The following PUDP variants were observed in gnomAD, a reference collection of about 807,000 sequenced individuals.
The protein encoded by PUDP is pseudouridine 5'-phosphatase, also known as pseudouridine-5'-phosphatase.
In PUDP, 8 loss-of-function variants were observed where a neutral mutation model predicts 9.4. The ratio of observed to expected loss-of-function variants is 0.85; its 90% CI spans 0.50 to 1.53. PUDP has a LOEUF of 1.53. PUDP is among the 40% of genes most tolerant of loss of function. PUDP has a pLI of 0.00. For synonymous variants in PUDP, 99 were observed against 80.7 expected, an observed-to-expected ratio of 1.23 and a Z score of -1.22; for missense variants, 188 against 189.7, an observed-to-expected ratio of 0.99 and a Z score of 0.05.
Position 7,050,137 on chromosome X carries a change from T to A in PUDP, c.*159A>T, listed in dbSNP as rs1400901157. ...CGTCAAGTCACATTTTATCAACACG[T>A]TAGACTGGGACAAACCAACATGGGA... On this transcript the variant is annotated 3_prime_UTR_variant, in exon 4 of 4. Transcript: ENST00000381077. 4.2e-6 allele frequency: 2 copies of A among 480,533 alleles called. No homozygotes were observed. The highest frequency in any genetic ancestry group is 7.7e-5 in the East Asian group (2 of 25,856). 39.6% of individuals were successfully genotyped at this position (480,533 alleles called of 1,213,427 possible).
chrX:6,755,376 T>A (rs762274741), intron 3 of PUDP, among the ~76,000 whole-genome samples: 1 of 111,685 alleles, frequency 9.0e-6, no homozygotes, highest in African/African-American at 3.2e-5. Context: ...TTATATAACA[T>A]AAATTAATTC....
intron 3 of PUDP, among the ~76,000 whole-genome samples, chrX:6,822,487 C>T (rs1895587036): frequency 8.9e-6 from 1 of 111,902 alleles, no homozygotes; most frequent in African/African-American, 3.2e-5. Flanking sequence ...AGTGCAGTGG[C>T]GCGATTTCGG....
intron 1 of PUDP, among the ~76,000 whole-genome samples, chrX:7,009,073 C>T (rs1320823331): frequency 8.9e-6 from 1 of 112,403 alleles, no homozygotes; most frequent in Non-Finnish European, 1.9e-5. Context: ...ATCTCTATCA[C>T]ATATGAAATA....
chrX:6,778,967 G>C (rs1925513237), intron 3 of PUDP, among the ~76,000 whole-genome samples: 1 of 112,107 alleles, frequency 8.9e-6, no homozygotes, highest in Admixed American at 9.4e-5. Context: ...TTAGCTCTCT[G>C]GATACCAAAT....
At chrX:6,846,665 A>C (rs56095867) in intron 3 of PUDP, among the ~76,000 whole-genome samples, 10,824 of 111,175 alleles carry the variant, frequency 0.097, 621 homozygotes, top group East Asian at 0.46. Context: ...GATTCAAAAA[A>C]GGCATGTCCT....
At chrX:6,739,976 G>A (rs1807931580) in intron 3 of PUDP, among the ~76,000 whole-genome samples, 1 of 111,904 alleles carries the variant, frequency 8.9e-6, no homozygotes, top group African/African-American at 3.3e-5. Flanking sequence ...TAAAGACAAT[G>A]GTCAAATTTT....
At chrX:6,749,797 ACCTCTCT>A (rs1925044273) in intron 3 of PUDP, among the ~76,000 whole-genome samples, 1 of 111,619 alleles carries the variant, frequency 9.0e-6, no homozygotes, top group African/African-American at 3.3e-5. Context: ...GTCACTAACA[ACCTCTCT>A]TGCATTGGTG....
chrX:6,834,606 T>C (rs1011508184), intron 3 of PUDP, among the ~76,000 whole-genome samples: 8 of 112,210 alleles, frequency 7.1e-5, no homozygotes, highest in African/African-American at 2.6e-4. Flanking sequence ...TTAAAGTTAC[T>C]AATTCATTGA....
At chrX:6,741,850 C>A (rs201178279) in intron 3 of PUDP, among the ~76,000 whole-genome samples, 1 of 96,042 alleles carries the variant, frequency 1.0e-5, no homozygotes, top group Non-Finnish European at 2.1e-5. Flanking sequence ...TTCTTTCTTT[C>A]TTTTTCTTTC....
chrX:6,989,570 C>A, intron 1 of PUDP: 1 of 135,040 alleles, frequency 7.4e-6, no homozygotes, highest in South Asian at 2.3e-4. Context: ...ATGAAGAAGT[C>A]TTATGCCATT....
At chrX:6,844,608 T>C (rs1018287034) in intron 3 of PUDP, among the ~76,000 whole-genome samples, 1 of 112,509 alleles carries the variant, frequency 8.9e-6, no homozygotes, top group African/African-American at 3.2e-5. Flanking sequence ...TGTATTAGGA[T>C]TCTCCAGATA....
intron 3 of PUDP, among the ~76,000 whole-genome samples, chrX:6,905,737 G>C (rs962746400): frequency 9.0e-6 from 1 of 111,525 alleles, no homozygotes; most frequent in Admixed American, 9.5e-5. Flanking sequence ...TCAGCCCAGA[G>C]ACTTCGGTGT....
chrX:6,998,610 T>C (rs994692499), intron 1 of PUDP, among the ~76,000 whole-genome samples: 1 of 112,269 alleles, frequency 8.9e-6, no homozygotes, highest in Admixed American at 9.4e-5. Flanking sequence ...ATAATGAAAG[T>C]AACCTCAATT....
At chrX:6,785,825 A>C (rs1925638126) in intron 3 of PUDP, among the ~76,000 whole-genome samples, 1 of 111,682 alleles carries the variant, frequency 9.0e-6, no homozygotes, top group Admixed American at 9.6e-5. Context: ...CATTTGTTAT[A>C]AACAGATATG....
intron 3 of PUDP, among the ~76,000 whole-genome samples, chrX:6,754,902 T>C (rs1002271838): frequency 1.8e-5 from 2 of 111,485 alleles, no homozygotes; most frequent in Admixed American, 1.9e-4. Flanking sequence ...ACACTGTGAA[T>C]TCTTGGCTCA....
At chrX:7,010,020 C>T (rs1929455354) in intron 1 of PUDP, among the ~76,000 whole-genome samples, 1 of 111,660 alleles carries the variant, frequency 9.0e-6, no homozygotes, top group Non-Finnish European at 1.9e-5. Context: ...TTTCCTCCCT[C>T]CCCAGTGTCT....
At chrX:6,842,269 A>G (rs911018010) in intron 3 of PUDP, among the ~76,000 whole-genome samples, 1 of 112,200 alleles carries the variant, frequency 8.9e-6, no homozygotes, top group Admixed American at 9.5e-5. Context: ...ATGTATTTAT[A>G]TGTATACTTG....
intron 2 of PUDP, among the ~76,000 whole-genome samples, chrX:7,093,565 G>A (rs1175635629): frequency 3.6e-5 from 4 of 111,585 alleles, no homozygotes; most frequent in Non-Finnish European, 7.5e-5. Flanking sequence ...CGTCCTGACT[G>A]CAGTGTGCAG....
At chrX:6,764,975 C>T (rs1400562215) in intron 3 of PUDP, among the ~76,000 whole-genome samples, 1 of 110,648 alleles carries the variant, frequency 9.0e-6, no homozygotes, top group African/African-American at 3.3e-5. Context: ...TCAATTAAAG[C>T]TGAAAATATG....
Sources: allele counts gnomAD v4.1 joint callset (sites outside exome capture counted in the v4.1 genomes callset), GRCh38; gene constraint gnomAD v4.1.1; transcripts MANE v1.5; gene names NCBI Gene and HGNC (gene_info 2026-07-23, HGNC 2026-07-21).